ARFGEF1: variants seen among roughly 807,000 people sequenced by gnomAD.
ARFGEF1 encodes the protein brefeldin A-inhibited guanine nucleotide-exchange protein 1.
In ARFGEF1, 42 loss-of-function variants were observed where a neutral mutation model predicts 231.0. The observed-to-expected ratio is 0.18, with a 90% CI of 0.14 to 0.24. The LOEUF is 0.24. ARFGEF1 is among the 10% of genes least tolerant of loss of function. ARFGEF1 has a pLI of 1.00. For synonymous variants in ARFGEF1, 710 were observed against 732.3 expected (o/e 0.97, Z 0.49); for missense variants, 1,345 against 2,192.0 (o/e 0.61, Z 7.72).
intron 1 of ARFGEF1, among the ~76,000 whole-genome samples, chr8:67,329,046 T>A (rs1372201656): frequency 7.9e-5 from 12 of 151,724 alleles, no homozygotes. Context: ...GCCAACATGG[T>A]GAAACCCCGT....
At chr8:67,302,978 T>A (rs991877113) in intron 1 of ARFGEF1, among the ~76,000 whole-genome samples, 4 of 148,186 alleles carry the variant, frequency 2.7e-5, no homozygotes, top group Non-Finnish European at 5.9e-5. Flanking sequence ...CAGTCCTAGC[T>A]ATGTGGGGCA....
At chr8:67,194,770 A>G (rs550347401), downstream of ARFGEF1, among the ~76,000 whole-genome samples, 44 of 152,268 alleles carry the variant, frequency 2.9e-4, no homozygotes, top group African/African-American at 1.0e-3. Flanking sequence ...TAAAAGTAAA[A>G]TACAGATAGA....
At chr8:67,342,552 G>A (rs1014261270) in intron 1 of ARFGEF1, among the ~76,000 whole-genome samples, 3 of 151,472 alleles carry the variant, frequency 2.0e-5, no homozygotes, top group Admixed American at 1.3e-4. Flanking sequence ...CTTAACCACC[G>A]GTCTTGTTCT....
At chr8:67,217,304 C>CAAAAAAAAAAA (rs1388888346) in intron 32 of ARFGEF1, among the ~76,000 whole-genome samples, 4 of 83,268 alleles carry the variant, frequency 4.8e-5, no homozygotes, top group African/African-American at 1.7e-4. Flanking sequence ...AACTCCATCT[C>CAAAAAAAAAAA]AAAAAAAAAA....
chr8:67,177,108 T>C (rs1449923510), intron 5 of ARFGEF1, among the ~76,000 whole-genome samples: 2 of 148,638 alleles, frequency 1.3e-5, no homozygotes, highest in African/African-American at 4.9e-5. Flanking sequence ...ATGGCCTCAC[T>C]ATAAACAATC....
intron 14 of ARFGEF1, among the ~76,000 whole-genome samples, chr8:67,260,714 T>C (rs1804583621): frequency 6.6e-6 from 1 of 152,164 alleles, no homozygotes; most frequent in Non-Finnish European, 1.5e-5. Context: ...CGCACATCTC[T>C]CACTTTAAAT....
chr8:67,335,573 T>C (rs1352282367), intron 1 of ARFGEF1, among the ~76,000 whole-genome samples: 1 of 152,170 alleles, frequency 6.6e-6, no homozygotes, highest in Non-Finnish European at 1.5e-5. Flanking sequence ...CTTCAAAATA[T>C]GTACTTTGAC....
At chr8:67,289,283 G>A (rs538579852) in intron 6 of ARFGEF1, among the ~76,000 whole-genome samples, 2 of 151,906 alleles carry the variant, frequency 1.3e-5, no homozygotes, top group African/African-American at 2.4e-5. Context: ...CTGAGCACAG[G>A]GGGGGTCACA....
At chr8:67,217,159 C>T (rs1232205586) in intron 32 of ARFGEF1, among the ~76,000 whole-genome samples, 1 of 151,908 alleles carries the variant, frequency 6.6e-6, no homozygotes, top group Admixed American at 6.6e-5. Flanking sequence ...ACAAAATTAG[C>T]CAGGCATGGT....
chr8:67,342,712 C>T (rs1808699424), intron 1 of ARFGEF1, among the ~76,000 whole-genome samples: 1 of 152,172 alleles, frequency 6.6e-6, no homozygotes, highest in Non-Finnish European at 1.5e-5. Flanking sequence ...CCCAAAGTAC[C>T]TCGCCAAACG....
intron 3 of ARFGEF1, among the ~76,000 whole-genome samples, chr8:67,301,022 G>A (rs114951215): frequency 0.015 from 2,304 of 152,208 alleles, 63 homozygotes; most frequent in African/African-American, 0.053. Context: ...ATCCCACTAA[G>A]TTAATGATTG....
intron 1 of ARFGEF1, among the ~76,000 whole-genome samples, chr8:67,340,180 A>G (rs1196392678): frequency 1.3e-5 from 2 of 152,244 alleles, no homozygotes; most frequent in South Asian, 4.1e-4. Context: ...TTTCAAACAA[A>G]AAAGGATTAA....
At chr8:67,224,653 T>C (rs1300373527) in intron 29 of ARFGEF1, among the ~76,000 whole-genome samples, 1 of 152,166 alleles carries the variant, frequency 6.6e-6, no homozygotes, top group African/African-American at 2.4e-5. Flanking sequence ...TAAATTAACT[T>C]AGAAGCTAAA....
At position 67,258,288 on chromosome 8, in the gene ARFGEF1, A is replaced by G. The variant is rs747974201; in HGVS notation, c.2238T>C (p.Thr746=). ...TATCTCCCAGGAACTCACCCACTTGAGTCTAAAGTAAAAACAGAGATAGAA... is the reference window on the plus strand; with the variant it reads ...TATCTCCCAGGAACTCACCCACTTGGGTCTAAAGTAAAAACAGAGATAGAA... ...FLHQEERLDS[T]QVGEFLGDND... The change falls in exon 16 of 39, where the codon ACT becomes ACC. Residue 746 remains threonine, a splice_region_variant and synonymous_variant. Coordinates refer to ENST00000262215, the MANE Select transcript of ARFGEF1 (RefSeq NM_006421.5). 1 of 1,568,674 alleles carries G rather than the reference A, an allele frequency of 6.4e-7. No individual in the cohort carries two copies. Among genetic ancestry groups the G allele is most frequent in the East Asian group, 2.2e-5 (1 of 44,564 alleles).
intron 22 of ARFGEF1, 79 bp from the exon 23 acceptor site, chr8:67,233,024 C>T: frequency 5.2e-6 from 6 of 1,162,594 alleles, no homozygotes; most frequent in Non-Finnish European, 7.5e-6. Context: ...CTAAAACATA[C>T]TTCTGAAATC....
chr8:67,226,924 G>A (rs889097739), intron 27 of ARFGEF1, among the ~76,000 whole-genome samples: 2 of 151,978 alleles, frequency 1.3e-5, no homozygotes, highest in Non-Finnish European at 2.9e-5. Context: ...AAGAAATTAC[G>A]TGAAAAGTGC....
At chr8:67,225,672 C>T (rs1839349289) in intron 28 of ARFGEF1, among the ~76,000 whole-genome samples, 1 of 152,122 alleles carries the variant, frequency 6.6e-6, no homozygotes, top group African/African-American at 2.4e-5. Context: ...GGCTGGGGCT[C>T]AAACCCTAGT....
intron 5 of ARFGEF1, among the ~76,000 whole-genome samples, chr8:67,185,220 C>T (rs1175385592): frequency 2.0e-5 from 3 of 152,320 alleles, no homozygotes; most frequent in South Asian, 2.1e-4. Flanking sequence ...TGTTTATCTC[C>T]GTCCACCTTC....
intron 1 of ARFGEF1, among the ~76,000 whole-genome samples, chr8:67,322,751 A>C (rs1207282488): frequency 6.6e-6 from 1 of 152,162 alleles, no homozygotes; most frequent in Non-Finnish European, 1.5e-5. Flanking sequence ...CTTCTCCTGC[A>C]CTTCTAGGCT....
Sources: allele counts gnomAD v4.1 joint callset (sites outside exome capture counted in the v4.1 genomes callset), GRCh38; gene constraint gnomAD v4.1.1; transcripts MANE v1.5; gene names NCBI Gene and HGNC (gene_info 2026-07-23, HGNC 2026-07-21).